GPR158: variants seen among roughly 807,000 people sequenced by gnomAD.
The protein encoded by GPR158 is G protein-coupled receptor 158, also known as metabotropic glycine receptor.
In GPR158, 30 loss-of-function variants were observed where a neutral mutation model predicts 78.2. The ratio of observed to expected loss-of-function variants is 0.38; its 90% confidence interval spans 0.29 to 0.52. GPR158 has a LOEUF of 0.52. GPR158 is among the 20% of genes least tolerant of loss of function. The pLI is 0.83. For missense variants in GPR158, 1,463 were observed against 1,523.5 expected (o/e 0.96, Z 0.66); for synonymous variants, 581 against 591.1 (o/e 0.98, Z 0.25).
chr10:25,458,771 A>G (rs556659332), intron 4 of GPR158, among the ~76,000 whole-genome samples: 3 of 152,322 alleles, frequency 2.0e-5, no homozygotes, highest in South Asian at 4.1e-4. Context: ...GATCAAATCT[A>G]TGTGGTTTAA....
Position 25,596,470 on chromosome 10 carries a change from T to C in GPR158, c.1999-173T>C, listed in dbSNP as rs139184052. Among the ~76,000 whole-genome samples, 4 of 152,142 alleles carry C rather than the reference T, an allele frequency of 2.6e-5. No homozygotes were observed. The East Asian group carries it at 7.7e-4, about 29-fold the overall frequency. ...GAGCAACATAGCAAGACCCTGTCTG[T>C]TTGTCTGTCTGTGTCTCTCTCTCTC... On this transcript the variant is annotated intron_variant, in intron 9 of 10. Coordinates refer to ENST00000376351, the MANE Select transcript of GPR158 (RefSeq NM_020752.3).
At chr10:25,369,457 T>A (rs1406413536) in intron 2 of GPR158, among the ~76,000 whole-genome samples, 2 of 148,102 alleles carry the variant, frequency 1.4e-5, no homozygotes, top group Non-Finnish European at 3.0e-5. Context: ...TCTGTTTATA[T>A]GCTGGATTAC....
intron 2 of GPR158, among the ~76,000 whole-genome samples, chr10:25,279,380 AAC>A (rs1350122509): frequency 6.6e-6 from 1 of 152,120 alleles, no homozygotes; most frequent in Non-Finnish European, 1.5e-5. Context: ...ATAATTAAGG[AAC>A]CAGAGAGACC....
intron 6 of GPR158, among the ~76,000 whole-genome samples, chr10:25,568,282 T>C (rs1238193496): frequency 6.6e-6 from 1 of 152,164 alleles, no homozygotes; most frequent in Non-Finnish European, 1.5e-5. Context: ...CCGTTGGAGT[T>C]TCTTGGGTGC....
chr10:25,562,757 G>A (rs930946239), intron 6 of GPR158, among the ~76,000 whole-genome samples: 5 of 152,232 alleles, frequency 3.3e-5, no homozygotes, highest in African/African-American at 1.2e-4. Flanking sequence ...CTGCTGTGGA[G>A]ATGAATACCC....
chr10:25,265,335 C>T lies in GPR158; in HGVS notation c.1008+44178C>T, dbSNP rs144438676. Among the ~76,000 whole-genome samples, 442 of 152,222 alleles carry T rather than the reference C, an allele frequency of 2.9e-3. 2 individuals are homozygous for T. The highest frequency in any genetic ancestry group is 0.01 in the African/African-American group (422 of 41,550). On this transcript the variant is annotated intron_variant, in intron 2 of 10. Transcript: ENST00000376351. ...CTCTCTCTTCTCTTGCTGCAATAAGCAAGAAAGTCATATGTTCCAGATTGT... is the reference window on the plus strand; with the variant it reads ...CTCTCTCTTCTCTTGCTGCAATAAGTAAGAAAGTCATATGTTCCAGATTGT...
At position 25,379,965 on chromosome 10, in the gene GPR158, G is replaced by GT. The variant is rs771614117; in HGVS notation, c.1009-15936dup. On this transcript the variant is annotated intron_variant, in intron 2 of 10. Transcript: ENST00000376351. ...AAGCTTTCTTATGCCTCTCCATAGG[G>GT]TTTTTTTTTTCTTTTTTCTTTTGTA... Among the ~76,000 whole-genome samples the GT allele has an allele frequency of 1.7e-3, 134 of 78,454 alleles. 1 individual carries two copies. Among genetic ancestry groups the GT allele is most frequent in the Middle Eastern group, 7.4e-3 (1 of 136 alleles). 51.5% of individuals were successfully genotyped at this position (78,454 alleles called of 152,430 possible).
intron 2 of GPR158, among the ~76,000 whole-genome samples, chr10:25,286,328 G>A (rs917771395): frequency 1.3e-5 from 2 of 151,922 alleles, no homozygotes; most frequent in African/African-American, 4.8e-5. Context: ...CTGTCTCTAA[G>A]TTCACTGTTT....
chr10:25,424,764 C>G (rs1007945375), intron 4 of GPR158, among the ~76,000 whole-genome samples: 1 of 152,104 alleles, frequency 6.6e-6, no homozygotes, highest in Non-Finnish European at 1.5e-5. Context: ...GGTACCAGTA[C>G]CATGCTGTTT....
chr10:25,591,138 T>C (rs531089606), intron 8 of GPR158, among the ~76,000 whole-genome samples: 18 of 152,184 alleles, frequency 1.2e-4, no homozygotes, highest in African/African-American at 4.1e-4. Flanking sequence ...CTTTTAGGTG[T>C]TTATGTGTGT....
intron 2 of GPR158, among the ~76,000 whole-genome samples, chr10:25,316,911 T>A (rs199613687): frequency 5.0e-5 from 4 of 79,684 alleles, no homozygotes; most frequent in African/African-American, 2.1e-4. Context: ...GTGTGTGTGT[T>A]TATGTGTGTG....
At chr10:25,250,554 C>T (rs1250829130) in intron 2 of GPR158, among the ~76,000 whole-genome samples, 2 of 145,716 alleles carry the variant, frequency 1.4e-5, no homozygotes, top group African/African-American at 2.6e-5. Flanking sequence ...TTATTTCTGC[C>T]TTCATTTCGT....
chr10:25,372,974 T>A (rs1337666142), intron 2 of GPR158, among the ~76,000 whole-genome samples: 1 of 151,858 alleles, frequency 6.6e-6, no homozygotes, highest in Non-Finnish European at 1.5e-5. Context: ...GAATATAAAT[T>A]GTCTGTCATA....
intron 5 of GPR158, among the ~76,000 whole-genome samples, chr10:25,494,833 A>T (rs1835856557): frequency 6.6e-6 from 1 of 152,204 alleles, no homozygotes; most frequent in African/African-American, 2.4e-5. Flanking sequence ...TTTTCAAACT[A>T]GTTTGCTATT....
intron 5 of GPR158, among the ~76,000 whole-genome samples, chr10:25,539,912 G>A (rs1394667362): frequency 1.3e-5 from 2 of 152,044 alleles, no homozygotes; most frequent in Non-Finnish European, 2.9e-5. Flanking sequence ...TCCCACGTAT[G>A]GAAGCACATC....
At chr10:25,184,386 C>T (rs1348186273) in intron 1 of GPR158, among the ~76,000 whole-genome samples, 4 of 152,066 alleles carry the variant, frequency 2.6e-5, no homozygotes, top group Admixed American at 6.6e-5. Flanking sequence ...TGTAGAGACA[C>T]GGTCTTACCT....
rs34320289 is a variant in GPR158 at position 25,562,024 on chromosome 10, ATT to A, written c.1515-10608_1515-10607del. 1.3e-3 allele frequency among the ~76,000 whole-genome samples: 186 copies of A among 140,742 alleles called. 1 individual carries two copies. The highest frequency in any genetic ancestry group is 2.6e-3 in the African/African-American group (100 of 38,336). The allele number at this position is 140,742 out of a possible 152,430, so 92.3% of individuals were successfully genotyped here. On this transcript the variant is annotated intron_variant, in intron 6 of 10. Coordinates refer to ENST00000376351, the MANE Select transcript of GPR158 (RefSeq NM_020752.3). ...GCAATGTTCAGGAGGATGCAGAAGA[ATT>A]TTTTTTTTTTTTTTTTGCAAGAAAG...
At chr10:25,243,614 C>T (rs1447613912) in intron 2 of GPR158, among the ~76,000 whole-genome samples, 1 of 152,192 alleles carries the variant, frequency 6.6e-6, no homozygotes, top group African/African-American at 2.4e-5. Context: ...AAGGAACATT[C>T]CCTTAATATA....
At chr10:25,448,162 G>T (rs1311728077) in intron 4 of GPR158, among the ~76,000 whole-genome samples, 1 of 147,776 alleles carries the variant, frequency 6.8e-6, no homozygotes, top group Admixed American at 6.9e-5. Flanking sequence ...TAGGCTCACT[G>T]CAAGCTCTGC....
Sources: allele counts gnomAD v4.1 joint callset (sites outside exome capture counted in the v4.1 genomes callset), GRCh38; gene constraint gnomAD v4.1.1; transcripts MANE v1.5; gene names NCBI Gene and HGNC (gene_info 2026-07-23, HGNC 2026-07-21).